Variants in SPATA17 observed in about 807,000 individuals in gnomAD.
SPATA17 encodes spermatogenesis associated 17.
A neutral mutation model predicts 62.2 loss-of-function variants in SPATA17; 53 were observed. The ratio of observed to expected loss-of-function variants is 0.85; its 90% CI spans 0.68 to 1.07. SPATA17 has a LOEUF of 1.07. SPATA17 is among the 50% of genes least tolerant of loss of function. The pLI is 0.00. For missense variants in SPATA17, 466 were observed against 425.5 expected (o/e 1.10, Z -0.84); for synonymous variants, 146 against 146.8 (o/e 0.99, Z 0.04).
At chr1:217,762,611 A>G (rs985536123) in intron 6 of SPATA17, among the ~76,000 whole-genome samples, 2 of 152,150 alleles carry the variant, frequency 1.3e-5, no homozygotes, top group Non-Finnish European at 2.9e-5. Context: ...TGTCTACTCT[A>G]TGCCAGTTAT....
intron 5 of SPATA17, among the ~76,000 whole-genome samples, chr1:217,684,074 A>G (rs568366064): frequency 5.9e-5 from 9 of 152,294 alleles, no homozygotes; most frequent in African/African-American, 2.2e-4. Flanking sequence ...AAATATCATG[A>G]AACATATTAA....
At chr1:217,722,347 T>C (rs934720809) in intron 5 of SPATA17, among the ~76,000 whole-genome samples, 3 of 152,086 alleles carry the variant, frequency 2.0e-5, no homozygotes, top group Admixed American at 1.3e-4. Flanking sequence ...AATAAAAAAT[T>C]AGTAAAAATT....
chr1:217,708,254 C>T lies in SPATA17; in HGVS notation c.395+24893C>T, dbSNP rs775930118. On this transcript the variant is annotated intron_variant, in intron 5 of 10. Coordinates refer to ENST00000366933, the MANE Select transcript of SPATA17 (RefSeq NM_138796.4). ...AACAAAACATGATACAAAAGATCAACGAATTCATGAGTTGGCTTTTTGGAA... is the reference window on the plus strand; with the variant it reads ...AACAAAACATGATACAAAAGATCAATGAATTCATGAGTTGGCTTTTTGGAA... 4.9e-4 allele frequency among the ~76,000 whole-genome samples: 74 copies of T among 152,084 alleles called. 4 individuals are homozygous for T. The highest frequency in any genetic ancestry group is 7.4e-5 in the Non-Finnish European group (5 of 67,962).
chr1:217,678,918 C>CTT (rs34700529), intron 4 of SPATA17, among the ~76,000 whole-genome samples: 29 of 148,946 alleles, frequency 1.9e-4, no homozygotes, highest in South Asian at 4.3e-4. Context: ...AATCATTTTT[C>CTT]TTTTTTTTTT....
At chr1:217,771,700 C>T (rs576775251) in intron 6 of SPATA17, among the ~76,000 whole-genome samples, 4 of 149,182 alleles carry the variant, frequency 2.7e-5, no homozygotes, top group East Asian at 1.9e-4. Context: ...AATATATTTT[C>T]GATCTATATT....
intron 1 of SPATA17, among the ~76,000 whole-genome samples, chr1:217,635,443 C>T (rs975443516): frequency 2.6e-5 from 4 of 152,194 alleles, no homozygotes; most frequent in African/African-American, 9.6e-5. Flanking sequence ...GTGGCTCACG[C>T]CTATAATCCC....
chr1:217,665,161 G>A (rs1418641820), intron 3 of SPATA17: 1 of 152,192 alleles, frequency 6.6e-6, no homozygotes, highest in East Asian at 1.9e-4. Context: ...ACTTGATAGA[G>A]AAAAAATAAA....
intron 6 of SPATA17, among the ~76,000 whole-genome samples, chr1:217,749,340 T>C (rs1351567120): frequency 2.0e-5 from 3 of 152,196 alleles, no homozygotes; most frequent in African/African-American, 4.8e-5. Flanking sequence ...CGGTTGCCAA[T>C]AGTACCCTTA....
intron 9 of SPATA17, among the ~76,000 whole-genome samples, chr1:217,815,300 A>C (rs1205369588): frequency 6.6e-6 from 1 of 152,172 alleles, no homozygotes; most frequent in Non-Finnish European, 1.5e-5. Flanking sequence ...TTGAAACATA[A>C]CATGAACACA....
chr1:217,647,341 G>T (rs1670206320), intron 1 of SPATA17, among the ~76,000 whole-genome samples: 1 of 152,096 alleles, frequency 6.6e-6, no homozygotes, highest in African/African-American at 2.4e-5. Flanking sequence ...AGGGAAGCCT[G>T]TGAGTGGCAT....
Position 217,801,652 on chromosome 1 carries a change from C to A in SPATA17, c.873-66C>A, listed in dbSNP as rs1429789618. The A allele has an allele frequency of 6.5e-5, 89 of 1,372,760 alleles. No individual in the cohort carries two copies. In the East Asian group the frequency reaches 2.0e-3, roughly 31 times the overall value. 85.0% of individuals were successfully genotyped at this position (1,372,760 alleles called of 1,614,324 possible). On this transcript the variant is annotated intron_variant, in intron 8 of 10. Transcript: ENST00000366933. Reference sequence around the variant, plus strand: ...ACTGTACTATAGTACTTCTACAAAGCCTTATTTTAAAAATCAAATGTCTCT... The same window carrying A: ...ACTGTACTATAGTACTTCTACAAAGACTTATTTTAAAAATCAAATGTCTCT...
chr1:217,807,166 A>G (rs1674452840), intron 9 of SPATA17, among the ~76,000 whole-genome samples: 1 of 151,504 alleles, frequency 6.6e-6, no homozygotes, highest in African/African-American at 2.4e-5. Context: ...AAAATCAAAT[A>G]CTGCATGTTC....
At chr1:217,777,309 T>C (rs1340081100) in intron 7 of SPATA17, among the ~76,000 whole-genome samples, 1 of 152,206 alleles carries the variant, frequency 6.6e-6, no homozygotes, top group Non-Finnish European at 1.5e-5. Context: ...GAAAGAGCTA[T>C]AAAATATAAT....
chr1:217,754,593 A>G (rs1672997757), intron 6 of SPATA17, among the ~76,000 whole-genome samples: 2 of 152,150 alleles, frequency 1.3e-5, no homozygotes, highest in African/African-American at 2.4e-5. Context: ...ATCAGTTTGT[A>G]AGGTTTGTCA....
In SPATA17 at chr1:217,870,225, G is replaced by C. The variant is rs1676103726; in HGVS notation, c.*3206G>C. ...GACCCTGACCTTCTCTGTTCTTCCA[G>C]AGAAGGTGGTACTCAGATAAAAACT... On this transcript the variant is annotated 3_prime_UTR_variant, in exon 11 of 11. Coordinates refer to ENST00000366933, the MANE Select transcript of SPATA17 (RefSeq NM_138796.4). The C allele has an allele frequency of 2.0e-5, 3 of 152,196 alleles. No individual in the cohort carries two copies. Among genetic ancestry groups the C allele is most frequent in the South Asian group, 4.1e-4 (2 of 4,820 alleles). The allele number at this position is 152,196 out of a possible 1,614,324, so 9.4% of individuals were successfully genotyped here.
In SPATA17 at chr1:217,663,317, C is replaced by T. The variant is rs369764788; in HGVS notation, c.241-5716C>T. 9.5e-4 allele frequency among the ~76,000 whole-genome samples: 144 copies of T among 151,862 alleles called. 2 individuals are homozygous for T. The East Asian group carries it at 0.022, about 23-fold the overall frequency. The stretch of plus-strand genomic sequence containing the variant: ...AAAATTGGCCAGGCATAGTGGCTCG[C>T]GCTTGTAATCCCAGCCACTCGGGAG... On this transcript the variant is annotated intron_variant, in intron 3 of 10. Transcript: ENST00000366933.
chr1:217,682,732 TAAG>T (rs887346519), intron 4 of SPATA17, among the ~76,000 whole-genome samples: 1 of 152,152 alleles, frequency 6.6e-6, no homozygotes, highest in African/African-American at 2.4e-5. Context: ...GCCTGGCACA[TAAG>T]AACTCAATAA....
chr1:217,696,595 A>T (rs1244157928), intron 5 of SPATA17, among the ~76,000 whole-genome samples: 7 of 152,148 alleles, frequency 4.6e-5, no homozygotes, highest in Non-Finnish European at 1.0e-4. Flanking sequence ...TTCTTGTAAG[A>T]TTTTATTTTA....
intron 9 of SPATA17, among the ~76,000 whole-genome samples, chr1:217,846,726 A>G (rs1197796453): frequency 2.0e-5 from 3 of 152,016 alleles, no homozygotes; most frequent in Non-Finnish European, 4.4e-5. Context: ...TTATTCTTTT[A>G]TTGAATTACT....
Sources: allele counts gnomAD v4.1 joint callset (sites outside exome capture counted in the v4.1 genomes callset), GRCh38; gene constraint gnomAD v4.1.1; transcripts MANE v1.5; gene names NCBI Gene and HGNC (gene_info 2026-07-23, HGNC 2026-07-21).